Variants in AOPEP observed in about 807,000 individuals in gnomAD.
AOPEP encodes aminopeptidase O.
In AOPEP, 77 loss-of-function variants were observed where a neutral mutation model predicts 98.1. The ratio of observed to expected loss-of-function variants is 0.78; its 90% confidence interval spans 0.65 to 0.95. The LOEUF is 0.95. AOPEP is among the 40% of genes least tolerant of loss of function. The pLI, the probability that AOPEP is intolerant of heterozygous loss-of-function variation, is 0.00. For synonymous variants in AOPEP, 346 were observed against 365.3 expected, an observed-to-expected ratio of 0.95 and a Z score of 0.60; for missense variants, 1,024 against 1,024.7, an observed-to-expected ratio of 1.00 and a Z score of 0.01.
At position 94,924,056 on chromosome 9, in the gene AOPEP, C is replaced by A. The variant is rs1564387944; in HGVS notation, c.1435C>A (p.His479Asn). Reference sequence around the variant, plus strand: ...CCATCTCTGTGGGACCCGCCTCTGCCATGAAATTGCCCATGCCTGGTTTGG... The same window carrying A: ...CCATCTCTGTGGGACCCGCCTCTGCAATGAAATTGCCCATGCCTGGTTTGG... ...GNHLCGTRLC[H>N]EIAHAWFGLA... is the part of the protein sequence containing the mutation. The change falls in exon 6 of 17, where the codon CAT (histidine) becomes AAT (asparagine). Residue 479 changes from histidine (H) to asparagine (N), a missense_variant. His to Asn is a moderately conservative substitution (Grantham distance 68, BLOSUM62 1). This residue lies in a region of AOPEP where 566 missense variants were observed against 551.7 expected (regional missense o/e 1.03). Transcript: ENST00000375315. 6.6e-7 allele frequency: 1 copy of A among 1,525,860 alleles called. No homozygotes were observed. Among genetic ancestry groups the A allele is most frequent in the Non-Finnish European group, 8.8e-7 (1 of 1,134,182 alleles). The allele number at this position is 1,525,860 out of a possible 1,614,324, so 94.5% of individuals were successfully genotyped here. A position where few individuals can be genotyped will look rare whatever the true frequency, so the allele number is the denominator to read the frequency against.
intron 3 of AOPEP, among the ~76,000 whole-genome samples, chr9:94,783,492 C>G (rs1014999912): frequency 1.3e-5 from 2 of 152,120 alleles, no homozygotes; most frequent in Non-Finnish European, 2.9e-5. Context: ...GAGACAGTCA[C>G]GCTATGGGTA....
intron 3 of AOPEP, among the ~76,000 whole-genome samples, chr9:94,792,192 AG>A (rs1335896008): frequency 6.6e-6 from 1 of 152,238 alleles, no homozygotes; most frequent in African/African-American, 2.4e-5. Context: ...AACAGATAAC[AG>A]GGACTAAGGG....
At chr9:95,114,547 T>C in the AOPEP span, 7 of 1,231,104 alleles carry the variant, frequency 5.7e-6, no homozygotes, top group Non-Finnish European at 7.2e-6. Context: ...TGCCTTCCTC[T>C]GTCAGCCCTG....
chr9:95,137,957 C>T, the AOPEP span, among the ~76,000 whole-genome samples: 2 of 152,222 alleles, frequency 1.3e-5, no homozygotes, highest in Non-Finnish European at 2.9e-5. Context: ...AGAGGACTGG[C>T]GGTAACGGGA....
intron 3 of AOPEP, among the ~76,000 whole-genome samples, chr9:94,780,642 A>T (rs975293949): frequency 6.6e-6 from 1 of 152,242 alleles, no homozygotes; most frequent in African/African-American, 2.4e-5. Flanking sequence ...CTACAAATGT[A>T]TCTGCACTCC....
At chr9:94,932,113 T>C (rs1564402456) in intron 7 of AOPEP, 12 of 1,038,990 alleles carry the variant, frequency 1.2e-5, no homozygotes, top group Non-Finnish European at 1.3e-5. Context: ...TTCAGGGAAC[T>C]GAGAGCATTT....
intron 7 of AOPEP, chr9:94,932,330 TAAC>T: frequency 1.0e-6 from 1 of 969,084 alleles, no homozygotes; most frequent in Non-Finnish European, 1.2e-6. Flanking sequence ...ACTGGAGTAT[TAAC>T]AAAGTGAAAA....
intron 5 of AOPEP, among the ~76,000 whole-genome samples, chr9:94,857,792 A>G (rs1588572929): frequency 6.6e-6 from 1 of 152,226 alleles, no homozygotes; most frequent in South Asian, 2.1e-4. Context: ...GCAGTTGCTT[A>G]TCTACTACAG....
intron 5 of AOPEP, among the ~76,000 whole-genome samples, chr9:94,888,112 G>A (rs1157094986): frequency 6.6e-6 from 1 of 152,160 alleles, no homozygotes; most frequent in Non-Finnish European, 1.5e-5. Flanking sequence ...TAAGTGACAA[G>A]TCAAGGAGTG....
intron 5 of AOPEP, among the ~76,000 whole-genome samples, chr9:94,822,325 A>T (rs892933284): frequency 3.3e-5 from 5 of 152,178 alleles, no homozygotes; most frequent in African/African-American, 1.2e-4. Flanking sequence ...TGTGAAATAG[A>T]CTTGTGCTTG....
chr9:94,804,171 A>G (rs75309482), intron 5 of AOPEP, among the ~76,000 whole-genome samples: 4,023 of 152,298 alleles, frequency 0.026, 177 homozygotes, highest in African/African-American at 0.092. Context: ...TCTCTGTTAT[A>G]ACAGCAGTAA....
intron 7 of AOPEP, chr9:94,928,781 C>CGTTTGATCTGACT (rs1167940441): frequency 2.3e-6 from 1 of 426,910 alleles, no homozygotes; most frequent in East Asian, 5.0e-5. Flanking sequence ...TCAGATCCTT[C>CGTTTGATCTGACT]GTTTGAAGTT....
intron 5 of AOPEP, among the ~76,000 whole-genome samples, chr9:94,827,137 C>T (rs915033822): frequency 6.6e-6 from 1 of 152,108 alleles, no homozygotes; most frequent in Admixed American, 6.5e-5. Flanking sequence ...TGTGGCTTCT[C>T]GTTTAGGAGC....
chr9:95,008,714 A>G (rs2062240226), intron 13 of AOPEP, among the ~76,000 whole-genome samples: 1 of 152,202 alleles, frequency 6.6e-6, no homozygotes, highest in Non-Finnish European at 1.5e-5. Context: ...TTCTGCTTCC[A>G]GTCATCCCAC....
chr9:95,082,641 C>T lies in AOPEP; in HGVS notation c.2386C>T (p.Arg796Cys), dbSNP rs375571307. 2 of 1,614,196 alleles carry T rather than the reference C, an allele frequency of 1.2e-6. No individual in the cohort carries two copies. The highest frequency in any genetic ancestry group is 1.7e-6 in the Non-Finnish European group (2 of 1,180,032). The change falls in exon 16 of 17, where the codon CGT (arginine) becomes TGT (cysteine). Residue 796 changes from arginine (R) to cysteine (C), a missense_variant. Arg to Cys is a radical substitution (Grantham distance 180, BLOSUM62 -3). Transcript: ENST00000375315. ...GGACGCCAGACAGCAGCAGCTCGCC[C>T]GTAGGTGCTTCGAGCGGACCAAGGA... ...SEDARQQQLARRCFERTKEQM... is the reference protein window; with the variant it reads ...SEDARQQQLACRCFERTKEQM...
chr9:95,081,531 A>G (rs549626065), intron 15 of AOPEP, among the ~76,000 whole-genome samples: 2 of 152,230 alleles, frequency 1.3e-5, no homozygotes, highest in Non-Finnish European at 2.9e-5. Flanking sequence ...ATAGGGTCTC[A>G]GTGTGGGGGA....
chr9:95,083,667 C>T (rs1303557195), intron 16 of AOPEP, among the ~76,000 whole-genome samples: 1 of 151,416 alleles, frequency 6.6e-6, no homozygotes, highest in African/African-American at 2.4e-5. Context: ...CCACACAGAG[C>T]ACCTGCGGCA....
In AOPEP at chr9:94,792,871, T is replaced by G; in HGVS notation, c.1071T>G (p.Asn357Lys). The G allele has an allele frequency of 1.3e-5, 21 of 1,613,218 alleles. No homozygotes were observed. Among genetic ancestry groups the G allele is most frequent in the Non-Finnish European group, 1.8e-5 (21 of 1,179,656 alleles). The change falls in exon 4 of 17, where the codon AAT becomes AAG. Residue 357 changes from asparagine (N) to lysine (K), a missense_variant. Asn to Lys is a moderately conservative substitution (Grantham distance 94). This residue lies in a region of AOPEP where 440 missense variants were observed against 433.8 expected (regional missense o/e 1.01). Coordinates refer to ENST00000375315, the MANE Select transcript of AOPEP (RefSeq NM_001193329.3). ...TGAAGATGGAGACATGGTCATCAAATGATTTGGCAACAGAGAGACCCTTCT... is the reference window on the plus strand; with the variant it reads ...TGAAGATGGAGACATGGTCATCAAAGGATTTGGCAACAGAGAGACCCTTCT... ...TEMKMETWSS[N>K]DLATERPFSP...
At chr9:94,896,358 T>C (rs541397191) in intron 5 of AOPEP, among the ~76,000 whole-genome samples, 2 of 152,302 alleles carry the variant, frequency 1.3e-5, no homozygotes, top group Admixed American at 1.3e-4. Flanking sequence ...AAATACTGCA[T>C]GTAGATGCTC....
Sources: gnomAD v4.1 joint callset for allele counts (sites outside exome capture counted in the v4.1 genomes callset) on GRCh38, gnomAD v4.1.1 for gene constraint, gnomAD v4.1.1 regional missense constraint, MANE v1.5 for transcripts, NCBI Gene and HGNC (gene_info 2026-07-23, HGNC 2026-07-21) for gene names.